The following DIP2B variants were observed in gnomAD, a reference collection of about 807,000 sequenced individuals.
DIP2B encodes DIP2 acetate--CoA ligase B (putative), also known as disco-interacting protein 2 homolog B.
A neutral mutation model predicts 198.0 loss-of-function variants in DIP2B; 76 were observed. That is an observed-to-expected ratio of 0.38 (90% CI 0.32 to 0.46). The LOEUF (loss-of-function observed/expected upper bound fraction) is 0.46. DIP2B is among the 20% of genes least tolerant of loss of function. DIP2B has a pLI of 0.99. For synonymous variants in DIP2B, 701 were observed against 739.1 expected (o/e 0.95, Z 0.84); for missense variants, 1,559 against 1,978.4 (o/e 0.79, Z 4.02).
chr12:50,561,338 T>C (rs574239706), intron 1 of DIP2B, among the ~76,000 whole-genome samples: 4 of 152,278 alleles, frequency 2.6e-5, no homozygotes, highest in South Asian at 4.1e-4. Flanking sequence ...TATTAAAAGG[T>C]ACAGGAATCT....
chr12:50,625,279 G>A (rs1937910829), intron 1 of DIP2B, among the ~76,000 whole-genome samples: 1 of 151,844 alleles, frequency 6.6e-6, no homozygotes, highest in African/African-American at 2.4e-5. Context: ...CGTTTCCTTA[G>A]TACCTAGTCC....
At chr12:50,581,113 C>T (rs77560600) in intron 1 of DIP2B, among the ~76,000 whole-genome samples, 2,190 of 149,388 alleles carry the variant, frequency 0.015, 162 homozygotes, top group African/African-American at 0.05. Flanking sequence ...TTCTGACTTA[C>T]ATTTGTGCTA....
intron 4 of DIP2B, among the ~76,000 whole-genome samples, chr12:50,664,828 T>G (rs1592117177): frequency 1.2e-4 from 1 of 8,416 alleles, no homozygotes; most frequent in Non-Finnish European, 9.1e-4. Context: ...CCTCCTTTTT[T>G]GGTTTTTGTT....
At chr12:50,730,919 T>C (rs1940031449) in intron 30 of DIP2B, among the ~76,000 whole-genome samples, 1 of 152,192 alleles carries the variant, frequency 6.6e-6, no homozygotes, top group South Asian at 2.1e-4. Context: ...TATTCTGTGA[T>C]GTCAGTGTTC....
intron 1 of DIP2B, among the ~76,000 whole-genome samples, chr12:50,593,721 CTCT>C (rs1565837039): frequency 1.7e-3 from 7 of 4,062 alleles, no homozygotes; most frequent in Non-Finnish European, 1.9e-3. Flanking sequence ...CTCTCCTCTC[CTCT>C]CCTCTCCTCT....
intron 37 of DIP2B, among the ~76,000 whole-genome samples, chr12:50,742,413 AAAAAAAAAAC>A (rs758762946): frequency 0.22 from 29,535 of 137,216 alleles, 4,714 homozygotes; most frequent in Non-Finnish European, 0.32. Flanking sequence ...AAAAAAAAAA[AAAAAAAAAAC>A]CACCTCTGTA....
At chr12:50,657,862 A>G (rs556011036) in intron 3 of DIP2B, among the ~76,000 whole-genome samples, 27 of 152,294 alleles carry the variant, frequency 1.8e-4, no homozygotes, top group African/African-American at 6.3e-4. Context: ...CCTCCAGTAG[A>G]TCCCAGATCA....
intron 1 of DIP2B, among the ~76,000 whole-genome samples, chr12:50,566,051 CT>C (rs950055577): frequency 6.6e-6 from 1 of 151,574 alleles, no homozygotes; most frequent in African/African-American, 2.4e-5. Flanking sequence ...TTTTTCTTTT[CT>C]TTTTTTCTGA....
intron 14 of DIP2B, among the ~76,000 whole-genome samples, chr12:50,694,326 A>G (rs1016346585): frequency 6.6e-6 from 1 of 151,900 alleles, no homozygotes; most frequent in South Asian, 2.1e-4. Context: ...TGAAATCCCA[A>G]CTCTACTAAC....
chr12:50,505,146 G>A lies in DIP2B; in HGVS notation c.6G>A (p.Ala2=). The A allele has an allele frequency of 6.5e-7, 1 of 1,529,902 alleles. No individual in the cohort carries two copies. Among genetic ancestry groups the A allele is most frequent in the Non-Finnish European group, 8.7e-7 (1 of 1,143,536 alleles). The allele number at this position is 1,529,902 out of a possible 1,614,324, so 94.8% of individuals were successfully genotyped here. A position where few individuals can be genotyped will look rare whatever the true frequency, so the allele number is the denominator to read the frequency against. The change falls in exon 1 of 38, where the codon GCG becomes GCA. Residue 2 remains alanine (A), a synonymous_variant. Coordinates refer to ENST00000301180, the MANE Select transcript of DIP2B (RefSeq NM_173602.3). ...GTGTGGCTGGCGGAGCTGGGATGGC[G>A]GAACGAGGCCTGGAGCCGTCGCCGG... is the stretch of plus-strand genomic sequence containing the variant. M[A]ERGLEPSPAA...
At chr12:50,685,035 T>A (rs1939110229) in intron 10 of DIP2B, among the ~76,000 whole-genome samples, 1 of 152,166 alleles carries the variant, frequency 6.6e-6, no homozygotes, top group East Asian at 1.9e-4. Flanking sequence ...GAAGTTGTAG[T>A]GAGCCGAGAT....
At chr12:50,632,721 G>A (rs907799741) in intron 2 of DIP2B, among the ~76,000 whole-genome samples, 3 of 151,250 alleles carry the variant, frequency 2.0e-5, no homozygotes, top group Admixed American at 2.0e-4. Flanking sequence ...ATTTTCAGTA[G>A]AGACAAGGTT....
chr12:50,668,702 A>G (rs966380345), intron 4 of DIP2B, among the ~76,000 whole-genome samples: 15 of 152,142 alleles, frequency 9.9e-5, no homozygotes, highest in South Asian at 2.1e-4. Flanking sequence ...CACAAATCCA[A>G]TGGAGATTGT....
chr12:50,652,776 T>G (rs1938480288), intron 3 of DIP2B, among the ~76,000 whole-genome samples: 1 of 152,162 alleles, frequency 6.6e-6, no homozygotes, highest in Non-Finnish European at 1.5e-5. Flanking sequence ...TTCCTATGTC[T>G]TCTTTAATTT....
At chr12:50,644,619 A>G (rs1938318386) in intron 3 of DIP2B, among the ~76,000 whole-genome samples, 1 of 152,172 alleles carries the variant, frequency 6.6e-6, no homozygotes, top group South Asian at 2.1e-4. Flanking sequence ...TCTTATCAAT[A>G]AGAGTCTTTT....
intron 12 of DIP2B, among the ~76,000 whole-genome samples, chr12:50,690,299 G>A (rs1477816673): frequency 6.6e-6 from 1 of 152,108 alleles, no homozygotes; most frequent in African/African-American, 2.4e-5. Flanking sequence ...CATTAGCCAG[G>A]GTGGTCTCGA....
In DIP2B at chr12:50,671,405, G is replaced by A. The variant is rs1009422846; in HGVS notation, c.640+7G>A. 3 of 1,613,674 alleles carry A rather than the reference G, an allele frequency of 1.9e-6. No homozygotes were observed. The African/African-American group carries it at 4.0e-5, about 22-fold the overall frequency. On this transcript the variant is annotated splice_region_variant and intron_variant, in intron 5 of 37. Transcript: ENST00000301180. ...TTTGCCAATACTCGAATAGGTAGGA[G>A]CTGGATCTACCCAAGAAGCCCAAAT...
In DIP2B at chr12:50,728,668, T is replaced by G. The variant is rs751821723; in HGVS notation, c.3631T>G (p.Cys1211Gly). The change falls in exon 30 of 38, where the codon TGT becomes GGT. Residue 1211 changes from cysteine (C) to glycine (G), a missense_variant. Coordinates refer to ENST00000301180, the MANE Select transcript of DIP2B (RefSeq NM_173602.3). Reference protein sequence around the residue: ...PYCGLGFALWCLCSVYSGHQS... With the variant: ...PYCGLGFALWGLCSVYSGHQS... ...CTGTGGACTTGGCTTCGCGCTCTGG[T>G]GTCTCTGCAGGTAGGGATGGAAAAG... The G allele has an allele frequency of 6.2e-7, 1 of 1,613,808 alleles. No individual in the cohort carries two copies. The highest frequency in any genetic ancestry group is 8.5e-7 in the Non-Finnish European group (1 of 1,179,964).
rs770597253 is a variant in DIP2B, at chr12:50,695,924, G to A, written c.1890G>A (p.Leu630=). 1 of 1,614,126 alleles carries A rather than the reference G, an allele frequency of 6.2e-7. No homozygotes were observed. The highest frequency in any genetic ancestry group is 1.1e-5 in the South Asian group (1 of 91,082). Residue 630 remains leucine (L), a synonymous_variant, in exon 16 of 38, where the codon TTG becomes TTA. Transcript: ENST00000301180. ...ATCGGGACCAAAGAGACGTGAGCTT[G>A]AGTTCCCTCCGAATGTTAATTGTGA... The part of the protein sequence containing the change: ...MAHRDQRDVS[L]SSLRMLIVTD...
Sources: allele counts gnomAD v4.1 joint callset (sites outside exome capture counted in the v4.1 genomes callset), GRCh38; gene constraint gnomAD v4.1.1; transcripts MANE v1.5; gene names NCBI Gene and HGNC (gene_info 2026-07-23, HGNC 2026-07-21).